Variants in TTC12 observed in about 807,000 individuals in gnomAD.
TTC12 encodes tetratricopeptide repeat protein 12.
Under a neutral mutation model 90.1 loss-of-function variants are expected in TTC12, and 70 were observed. That is an observed-to-expected ratio of 0.78 (90% CI 0.64 to 0.95). The LOEUF (loss-of-function observed/expected upper bound fraction) is 0.95, where lower values mean the gene tolerates loss of function less well. TTC12 is among the 40% of genes least tolerant of loss of function. The pLI, the probability that TTC12 is intolerant of heterozygous loss-of-function variation, is 0.00. For synonymous variants in TTC12, 296 were observed against 311.5 expected, an observed-to-expected ratio of 0.95 and a Z score of 0.53; for missense variants, 819 against 846.1, an observed-to-expected ratio of 0.97 and a Z score of 0.40.
intron 6 of TTC12, chr11:113,329,616 C>T: frequency 2.0e-6 from 1 of 510,368 alleles, no homozygotes; most frequent in Non-Finnish European, 3.8e-6. Flanking sequence ...GTTCATTGCT[C>T]CCTCCTTCTG....
chr11:113,353,870 T>C (rs1949464585), intron 16 of TTC12, among the ~76,000 whole-genome samples: 1 of 152,204 alleles, frequency 6.6e-6, no homozygotes, highest in African/African-American at 2.4e-5. Context: ...TGTAGCCCTG[T>C]AGTATAGTTT....
At position 113,365,053 on chromosome 11, in the gene TTC12, G is replaced by A. The variant is rs1565633247; in HGVS notation, c.2035G>A (p.Glu679Lys). Residue 679 changes from glutamate to lysine, a missense_variant, in exon 21 of 22, where the codon GAG (glutamate) becomes AAG (lysine). Coordinates refer to ENST00000529221, the MANE Select transcript of TTC12 (RefSeq NM_017868.4). ...TGCTCTGGGGAAGCTGTGCACAGCT[G>A]AGCCCAGGTATGCTGTGGACACGGA... ...GIALGKLCTAEPRFAAQLRKL... is the reference protein window; with the variant it reads ...GIALGKLCTAKPRFAAQLRKL... 6.2e-7 allele frequency: 1 copy of A among 1,613,524 alleles called. No homozygotes were observed. The highest frequency in any genetic ancestry group is 8.5e-7 in the Non-Finnish European group (1 of 1,179,588).
chr11:113,368,764 T>C (rs1322674121), downstream of TTC12: 7 of 507,016 alleles, frequency 1.4e-5, no homozygotes, highest in Non-Finnish European at 2.1e-5. Context: ...TAAGAGCTTC[T>C]TGGCTTGGAG....
intron 8 of TTC12, among the ~76,000 whole-genome samples, chr11:113,338,487 T>C (rs2137984873): frequency 6.6e-6 from 1 of 152,342 alleles, no homozygotes; most frequent in South Asian, 2.1e-4. Flanking sequence ...ATTATTTCTA[T>C]CCCAGACAGA....
intron 6 of TTC12, among the ~76,000 whole-genome samples, chr11:113,327,050 T>C (rs1947738288): frequency 6.6e-6 from 1 of 152,230 alleles, no homozygotes; most frequent in African/African-American, 2.4e-5. Context: ...GCTTATTCAG[T>C]TGTGTTACTC....
chr11:113,360,594 A>G (rs1429600974), intron 18 of TTC12, among the ~76,000 whole-genome samples: 4 of 152,218 alleles, frequency 2.6e-5, no homozygotes, highest in African/African-American at 9.6e-5. Context: ...GAATATTAGT[A>G]TGATTCAAGA....
At chr11:113,355,230 T>A (rs188450973) in intron 16 of TTC12, among the ~76,000 whole-genome samples, 1 of 152,226 alleles carries the variant, frequency 6.6e-6, no homozygotes, top group African/African-American at 2.4e-5. Flanking sequence ...TTCTAGATTT[T>A]CTAGTTTATG....
In TTC12 at chr11:113,341,944, C is replaced by G. The variant is rs782545629; in HGVS notation, c.985+19C>G. The stretch of plus-strand genomic sequence containing the variant: ...AGGAACGGTAAGCCTGGGTAATCAC[C>G]GTTGATCACCATTAATGCGCTGCGT... On this transcript the variant is annotated intron_variant, in intron 12 of 21. Coordinates refer to ENST00000529221, the MANE Select transcript of TTC12 (RefSeq NM_017868.4). 6.2e-7 allele frequency: 1 copy of G among 1,600,418 alleles called. No individual in the cohort carries two copies. The highest frequency in any genetic ancestry group is 1.7e-5 in the Admixed American group (1 of 59,996).
At position 113,350,131 on chromosome 11, in the gene TTC12, A is replaced by G. The variant is rs1261345610; in HGVS notation, c.1213A>G (p.Met405Val). The G allele has an allele frequency of 6.2e-7, 1 of 1,613,928 alleles. No homozygotes were observed. Among genetic ancestry groups the G allele is most frequent in the Non-Finnish European group, 8.5e-7 (1 of 1,179,806 alleles). Residue 405 changes from methionine (M) to valine (V), a missense_variant, in exon 14 of 22, where the codon ATG becomes GTG. Met to Val is a conservative substitution (Grantham distance 21). Coordinates refer to ENST00000529221, the MANE Select transcript of TTC12 (RefSeq NM_017868.4). ...CTCGGATAAGGAGGCCAACACTGCT[A>G]TGGGACTGTTCACAGACTTGGCTCT... ...DFSDKEANTA[M>V]GLFTDLALEE...
At chr11:113,366,202 G>A in intron 21 of TTC12, 23 bp from the exon 22 acceptor site, 1 of 1,611,218 alleles carries the variant, frequency 6.2e-7, no homozygotes, top group Non-Finnish European at 8.5e-7. Context: ...TATGCCCTGG[G>A]TTGTTTGTTT....
At chr11:113,343,791 CAT>C (rs1325670636) in intron 12 of TTC12, among the ~76,000 whole-genome samples, 3 of 152,184 alleles carry the variant, frequency 2.0e-5, no homozygotes, top group Admixed American at 2.0e-4. Context: ...TTAGTGCTCT[CAT>C]GTGATATTCT....
intron 6 of TTC12, chr11:113,329,508 A>C (rs1591537796): frequency 2.3e-6 from 1 of 441,760 alleles, no homozygotes; most frequent in Middle Eastern, 3.4e-4. Context: ...AAGGAGGAAA[A>C]GTGAGATTGG....
Position 113,334,968 on chromosome 11 carries a change from T to A in TTC12, c.507T>A (p.Cys169Ter). 1 of 1,613,496 alleles carries A rather than the reference T, an allele frequency of 6.2e-7. No homozygotes were observed. The part of the protein sequence containing the change: ...ALVDCEWALK[C>*]DEKCTKAYFH... ...ATCAGTCATTCTCTTTTATGCAGTG[T>A]GATGAAAAATGCACAAAAGCATATT... The change falls in exon 8 of 22, where the codon TGT (cysteine) becomes TGA (stop). Residue 169 changes from cysteine to a stop codon, truncating the protein, a stop_gained and splice_region_variant. Transcript: ENST00000529221. LOFTEE classifies it high-confidence loss of function.
intron 18 of TTC12, among the ~76,000 whole-genome samples, chr11:113,360,693 T>A (rs1949879158): frequency 6.6e-6 from 1 of 152,130 alleles, no homozygotes; most frequent in African/African-American, 2.4e-5. Flanking sequence ...CCCTAATGGC[T>A]AGGGAAGCAA....
chr11:113,323,154 T>A, intron 2 of TTC12, 134 bp from the exon 3 acceptor site: 1 of 530,574 alleles, frequency 1.9e-6, no homozygotes, highest in Non-Finnish European at 3.0e-6. Context: ...TGGTTCTGCT[T>A]GCTCTATTTT....
rs368296614 is a variant in TTC12 at position 113,364,586 on chromosome 11, A to G, written c.1817-249A>G. 1.9e-4 allele frequency: 99 copies of G among 509,886 alleles called. 1 individual carries two copies. The highest frequency in any genetic ancestry group is 1.3e-3 in the South Asian group (60 of 47,322). 31.6% of individuals were successfully genotyped at this position (509,886 alleles called of 1,614,324 possible). A position where few individuals can be genotyped will look rare whatever the true frequency, so the allele number is the denominator to read the frequency against. On this transcript the variant is annotated intron_variant, in intron 20 of 21. Transcript: ENST00000529221. ...CCTGTCTGACACACAGCATTCATTC[A>G]TCTAACAACTGTGTTGTGCTGGGCA...
intron 4 of TTC12, chr11:113,324,324 C>T: frequency 1.9e-6 from 1 of 533,302 alleles, no homozygotes. Flanking sequence ...CTAAACGGAA[C>T]AAAAAAATCT....
At chr11:113,338,956 C>A (rs1948532282) in intron 9 of TTC12, 122 bp downstream of exon 9, 1 of 845,938 alleles carries the variant, frequency 1.2e-6, no homozygotes. Context: ...CTCTTTCCTG[C>A]ACAGTTGGGT....
At chr11:113,369,766 GATATAAT>G (rs1413273280), downstream of TTC12, among the ~76,000 whole-genome samples, 1 of 152,044 alleles carries the variant, frequency 6.6e-6, no homozygotes, top group Non-Finnish European at 1.5e-5. Flanking sequence ...CTGTGGTTTG[GATATAAT>G]ATACATGAAG....
Sources: allele counts gnomAD v4.1 joint callset (sites outside exome capture counted in the v4.1 genomes callset), GRCh38; gene constraint gnomAD v4.1.1; transcripts MANE v1.5; gene names NCBI Gene and HGNC (gene_info 2026-07-23, HGNC 2026-07-21).